Variants in MYPN observed in about 807,000 individuals in gnomAD.
MYPN encodes sarcomeric protein myopalladin, 145 kDa (MYOP).
A neutral mutation model predicts 129.4 loss-of-function variants in MYPN; 63 were observed. The ratio of observed to expected loss-of-function variants is 0.49; its 90% CI spans 0.40 to 0.60. MYPN has a LOEUF of 0.60. Ranked by LOEUF, MYPN falls within the 20% of genes least tolerant of loss-of-function variation. The pLI, the probability that MYPN is intolerant of heterozygous loss-of-function variation, is 0.00. For synonymous variants in MYPN, 629 were observed against 600.9 expected, an observed-to-expected ratio of 1.05 and a Z score of -0.68; for missense variants, 1,596 against 1,635.4, an observed-to-expected ratio of 0.98 and a Z score of 0.42.
intron 6 of MYPN, among the ~76,000 whole-genome samples, chr10:68,155,505 G>A (rs1171867953): frequency 6.6e-6 from 1 of 152,164 alleles, no homozygotes; most frequent in Admixed American, 6.5e-5. Flanking sequence ...TCCTAGAAAA[G>A]ACTAACTTAA....
At chr10:68,180,808 T>C (rs981164737) in intron 12 of MYPN, among the ~76,000 whole-genome samples, 1 of 152,318 alleles carries the variant, frequency 6.6e-6, no homozygotes, top group South Asian at 2.1e-4. Flanking sequence ...ACAGAAAAAC[T>C]GTCTCCACCA....
intron 1 of MYPN, among the ~76,000 whole-genome samples, chr10:68,120,297 A>C (rs1319067383): frequency 6.6e-6 from 1 of 152,204 alleles, no homozygotes; most frequent in Non-Finnish European, 1.5e-5. Flanking sequence ...TAAAAATACA[A>C]AATTGGCTTG....
chr10:68,094,657 A>C (rs1044987862), intron 1 of MYPN, among the ~76,000 whole-genome samples: 5 of 152,340 alleles, frequency 3.3e-5, no homozygotes, highest in South Asian at 4.1e-4. Context: ...AATACAAATA[A>C]AATTTATTTC....
chr10:68,149,228 C>A (rs558689878), intron 5 of MYPN, among the ~76,000 whole-genome samples: 3 of 151,964 alleles, frequency 2.0e-5, no homozygotes, highest in Non-Finnish European at 4.4e-5. Context: ...TCCTCCCACT[C>A]CCCCCCGAAA....
At chr10:68,187,229 G>T (rs1203981740) in intron 12 of MYPN, among the ~76,000 whole-genome samples, 1 of 151,608 alleles carries the variant, frequency 6.6e-6, no homozygotes, top group Admixed American at 6.6e-5. Context: ...AAAGTTAGCT[G>T]GGCATGGCAG....
Position 68,192,798 on chromosome 10 carries a change from G to T in MYPN, c.2926-1565G>T, listed in dbSNP as rs183312238. Among the ~76,000 whole-genome samples the T allele has an allele frequency of 1.0e-3, 157 of 152,146 alleles. 1 individual carries two copies. The highest frequency in any genetic ancestry group is 3.5e-3 in the African/African-American group (147 of 41,522). On this transcript the variant is annotated intron_variant, in intron 13 of 19. Coordinates refer to ENST00000358913, the MANE Select transcript of MYPN (RefSeq NM_032578.4). ...TTTCTTCCAGGTTTTCCAATTTGCT[G>T]GCATATAGTTGTTCATAATAGTCTC...
At chr10:68,089,857 T>C (rs1380594156) in intron 1 of MYPN, among the ~76,000 whole-genome samples, 2 of 152,172 alleles carry the variant, frequency 1.3e-5, no homozygotes, top group Admixed American at 1.3e-4. Context: ...GATTAATAAA[T>C]GCTTTACAGT....
intron 17 of MYPN, 88 bp downstream of exon 17, chr10:68,199,663 C>A: frequency 1.5e-6 from 2 of 1,297,414 alleles, no homozygotes; most frequent in Admixed American, 1.8e-5. Flanking sequence ...TTCCTTCATC[C>A]TTTGCCCTAC....
At chr10:68,100,696 A>G (rs940156465) in intron 1 of MYPN, among the ~76,000 whole-genome samples, 4 of 152,146 alleles carry the variant, frequency 2.6e-5, no homozygotes, top group Admixed American at 1.3e-4. Flanking sequence ...CTGTGGACGA[A>G]CCCTTGGGCA....
At chr10:68,094,626 C>T (rs1037468375) in intron 1 of MYPN, among the ~76,000 whole-genome samples, 9 of 150,546 alleles carry the variant, frequency 6.0e-5, no homozygotes, top group African/African-American at 2.0e-4. Flanking sequence ...TCAAACACCT[C>T]TGGCATAGGT....
At chr10:68,165,407 T>G (rs150617537) in intron 8 of MYPN, 129 of 473,986 alleles carry the variant, frequency 2.7e-4, no homozygotes, top group African/African-American at 2.4e-3. Flanking sequence ...AGCCGAGATC[T>G]TGCCACTGCG....
chr10:68,116,581 C>T (rs904272606), intron 1 of MYPN, among the ~76,000 whole-genome samples: 15 of 152,044 alleles, frequency 9.9e-5, no homozygotes, highest in Non-Finnish European at 1.8e-4. Context: ...ACTGAAAATA[C>T]AAAAATTAGC....
At chr10:68,177,000 G>A (rs1297580489) in intron 12 of MYPN, among the ~76,000 whole-genome samples, 1 of 152,174 alleles carries the variant, frequency 6.6e-6, no homozygotes, top group Non-Finnish European at 1.5e-5. Flanking sequence ...GCTGTATTCA[G>A]CCTATGTCTT....
rs10688159 is a variant in MYPN, at chr10:68,173,574, TTTTATTTATTTATTTA to T, written c.1974-461_1974-446del. ...TGTGTTCTTTATCAACATCAAGTTATTTTATTTATTTATTTATTTATTTATTTATTTATTTATTTAT... is the reference window on the plus strand; with the variant it reads ...TGTGTTCTTTATCAACATCAAGTTATTTTATTTATTTATTTATTTATTTAT... On this transcript the variant is annotated intron_variant, in intron 10 of 19. Transcript: ENST00000358913. 2.0e-3 allele frequency among the ~76,000 whole-genome samples: 287 copies of T among 140,820 alleles called. 1 individual carries two copies. Among genetic ancestry groups the T allele is most frequent in the South Asian group, 0.014 (62 of 4,402 alleles). The allele number at this position is 140,820 out of a possible 152,430, so 92.4% of individuals were successfully genotyped here. A position where few individuals can be genotyped will look rare whatever the true frequency, so the allele number is the denominator to read the frequency against.
chr10:68,091,129 A>G (rs947701910), intron 1 of MYPN, among the ~76,000 whole-genome samples: 1 of 152,158 alleles, frequency 6.6e-6, no homozygotes, highest in Non-Finnish European at 1.5e-5. Flanking sequence ...TTAAAAAACT[A>G]AACTGAAATT....
chr10:68,110,683 C>G (rs941069046), intron 1 of MYPN, among the ~76,000 whole-genome samples: 1 of 152,136 alleles, frequency 6.6e-6, no homozygotes, highest in African/African-American at 2.4e-5. Flanking sequence ...TTAATAATAA[C>G]AGCTCTTGAG....
intron 2 of MYPN, among the ~76,000 whole-genome samples, chr10:68,134,231 G>T (rs1186207435): frequency 6.6e-6 from 1 of 151,976 alleles, no homozygotes; most frequent in South Asian, 2.1e-4. Flanking sequence ...CCAAATACTT[G>T]GGATTCATCA....
At position 68,129,407 on chromosome 10, in the gene MYPN, T is replaced by A. The variant is rs185694124; in HGVS notation, c.902+7067T>A. Among the ~76,000 whole-genome samples, 51 of 152,350 alleles carry A rather than the reference T, an allele frequency of 3.3e-4. 1 individual carries two copies. Among genetic ancestry groups the A allele is most frequent in the African/African-American group, 1.0e-3 (43 of 41,588 alleles). On this transcript the variant is annotated intron_variant, in intron 2 of 19. Transcript: ENST00000358913. ...CTTGAATTTTTTTCTTTAAAAAGTA[T>A]ATCCATGTTACACACAACTCTAAAC... is the stretch of plus-strand genomic sequence containing the variant.
intron 1 of MYPN, among the ~76,000 whole-genome samples, chr10:68,110,426 A>G (rs576276722): frequency 6.6e-6 from 1 of 152,342 alleles, no homozygotes; most frequent in African/African-American, 2.4e-5. Flanking sequence ...CAGAGAAAAG[A>G]TGGATTATTA....
Sources: allele counts gnomAD v4.1 joint callset (sites outside exome capture counted in the v4.1 genomes callset), GRCh38; gene constraint gnomAD v4.1.1; transcripts MANE v1.5; gene names NCBI Gene and HGNC (gene_info 2026-07-23, HGNC 2026-07-21).